The following NBAS variants were observed in gnomAD, a reference collection of about 807,000 sequenced individuals.
The protein encoded by NBAS is NBAS subunit of NRZ tethering complex.
A neutral mutation model predicts 302.5 loss-of-function variants in NBAS; 219 were observed. The ratio of observed to expected loss-of-function variants is 0.72; its 90% CI spans 0.65 to 0.81. NBAS has a LOEUF of 0.81. Ranked by LOEUF, NBAS falls within the 30% of genes least tolerant of loss-of-function variation. The pLI is 0.00. For missense variants in NBAS, 2,932 were observed against 2,841.6 expected (o/e 1.03, Z -0.72); for synonymous variants, 1,118 against 1,021.6 (o/e 1.09, Z -1.80).
intron 44 of NBAS, among the ~76,000 whole-genome samples, chr2:15,243,234 T>C (rs567077126): frequency 6.6e-6 from 1 of 152,286 alleles, no homozygotes; most frequent in South Asian, 2.1e-4. Context: ...GTAGTTAGGA[T>C]GAGCTGTGTT....
At chr2:15,396,385 G>GGA (rs1553304351) in intron 27 of NBAS, 28 bp downstream of exon 27, 56 of 1,302,818 alleles carry the variant, frequency 4.3e-5, no homozygotes, top group Middle Eastern at 3.9e-4. Context: ...TAAGCATGGA[G>GGA]AAAAAAAAAA....
chr2:15,515,180 T>G (rs1057444783), intron 9 of NBAS, among the ~76,000 whole-genome samples: 1 of 151,918 alleles, frequency 6.6e-6, no homozygotes, highest in African/African-American at 2.4e-5. Flanking sequence ...TGCAGGGCAC[T>G]GAGTGTACAA....
chr2:15,403,933 G>A (rs1360527112), intron 25 of NBAS, among the ~76,000 whole-genome samples: 1 of 135,394 alleles, frequency 7.4e-6, no homozygotes, highest in Non-Finnish European at 1.5e-5. Flanking sequence ...CAGATACAAG[G>A]TCTCACTATG....
Position 15,275,629 on chromosome 2 carries a change from G to A in NBAS, c.5579C>T (p.Pro1860Leu). 1 of 1,614,176 alleles carries A rather than the reference G, an allele frequency of 6.2e-7. No homozygotes were observed. Among genetic ancestry groups the A allele is most frequent in the Admixed American group, 1.7e-5 (1 of 60,026 alleles). The change falls in exon 44 of 52, where the codon CCT (proline) becomes CTT (leucine). Residue 1860 changes from proline to leucine, a missense_variant. By Grantham distance (98) the Pro-to-Leu change is moderately conservative (BLOSUM62 -3). Transcript: ENST00000281513. ...WLQKLFWTGDPHLIKQVPGSS... is the reference protein window; with the variant it reads ...WLQKLFWTGDLHLIKQVPGSS... ...GCCTGGGACTTGTTTAATGAGATGAGGGTCTCCAGTCCAGAACAACTTCTG... is the reference window on the plus strand; with the variant it reads ...GCCTGGGACTTGTTTAATGAGATGAAGGTCTCCAGTCCAGAACAACTTCTG...
At chr2:15,190,185 C>A in intron 49 of NBAS, 79 bp downstream of exon 49, 1 of 1,510,320 alleles carries the variant, frequency 6.6e-7, no homozygotes, top group Non-Finnish European at 9.2e-7. Flanking sequence ...TTCATTGGCT[C>A]TTTGGAAGGT....
chr2:15,090,933 G>A, the NBAS span, among the ~76,000 whole-genome samples: 1 of 152,158 alleles, frequency 6.6e-6, no homozygotes, highest in Non-Finnish European at 1.5e-5. Flanking sequence ...TAAGTCCTGA[G>A]AGGTCCTGAA....
chr2:15,031,855 G>A, the NBAS span, among the ~76,000 whole-genome samples: 24 of 152,352 alleles, frequency 1.6e-4, no homozygotes, highest in Admixed American at 2.6e-4. Flanking sequence ...AGAACTGGCT[G>A]GAGATTATCC....
chr2:15,170,056 T>C (rs1031842218), intron 51 of NBAS, among the ~76,000 whole-genome samples: 41 of 152,210 alleles, frequency 2.7e-4, no homozygotes, highest in African/African-American at 9.7e-4. Context: ...CTTTCTTTGT[T>C]GCCCTGAATA....
intron 38 of NBAS, 83 bp from the exon 39 acceptor site, chr2:15,309,330 AAG>A (rs1382830664): frequency 8.4e-7 from 1 of 1,195,262 alleles, no homozygotes; most frequent in African/African-American, 1.5e-5. Context: ...TCAGCCCCAT[AAG>A]ATTTCAACAA....
chr2:15,366,736 A>C (rs770048458), intron 31 of NBAS, 43 bp from the exon 32 acceptor site: 1 of 1,578,420 alleles, frequency 6.3e-7, no homozygotes, highest in Non-Finnish European at 8.7e-7. Context: ...CAGGGACATC[A>C]CAAAAGGGTG....
chr2:15,408,381 C>T (rs1322460373), intron 25 of NBAS, among the ~76,000 whole-genome samples: 1 of 152,160 alleles, frequency 6.6e-6, no homozygotes, highest in African/African-American at 2.4e-5. Context: ...ACTTCCCATA[C>T]TTTTTCATTA....
chr2:15,196,342 A>G, intron 48 of NBAS, among the ~76,000 whole-genome samples: 1 of 152,222 alleles, frequency 6.6e-6, no homozygotes, highest in East Asian at 1.9e-4. Flanking sequence ...AAAATTCTGA[A>G]TAAAACCAGC....
chr2:14,885,784 C>T, the NBAS span, among the ~76,000 whole-genome samples: 1 of 152,032 alleles, frequency 6.6e-6, no homozygotes, highest in Non-Finnish European at 1.5e-5. Context: ...CCAGCAAGAA[C>T]GTATATCAGG....
intron 9 of NBAS, among the ~76,000 whole-genome samples, chr2:15,532,835 A>G (rs1452140432): frequency 6.6e-6 from 1 of 152,142 alleles, no homozygotes; most frequent in Non-Finnish European, 1.5e-5. Context: ...AAATATAAGA[A>G]AAAATTTTTA....
the NBAS span, among the ~76,000 whole-genome samples, chr2:15,094,313 C>A: frequency 6.6e-6 from 1 of 152,148 alleles, no homozygotes; most frequent in Non-Finnish European, 1.5e-5. Flanking sequence ...TCATAATCTT[C>A]TTTTTATGAC....
At chr2:15,504,715 A>G (rs1661758126) in intron 10 of NBAS, among the ~76,000 whole-genome samples, 1 of 152,204 alleles carries the variant, frequency 6.6e-6, no homozygotes, top group Non-Finnish European at 1.5e-5. Context: ...AGTGGAAAAT[A>G]ACATTGTTGA....
the NBAS span, among the ~76,000 whole-genome samples, chr2:14,894,923 T>C: frequency 6.6e-6 from 1 of 151,898 alleles, no homozygotes; most frequent in Admixed American, 6.6e-5. Flanking sequence ...TTGGGCGTGG[T>C]GAAGCGCCTA....
chr2:15,218,317 C>G (rs1666746022), intron 48 of NBAS, among the ~76,000 whole-genome samples: 1 of 147,936 alleles, frequency 6.8e-6, no homozygotes, highest in African/African-American at 2.6e-5. Flanking sequence ...TGTACATATT[C>G]AAGTACTAAA....
At chr2:15,118,041 G>T in the NBAS span, among the ~76,000 whole-genome samples, 1 of 152,182 alleles carries the variant, frequency 6.6e-6, no homozygotes, top group African/African-American at 2.4e-5. Context: ...TCAGGAATGG[G>T]CTTTATTAAC....
Sources: allele counts gnomAD v4.1 joint callset (sites outside exome capture counted in the v4.1 genomes callset), GRCh38; gene constraint gnomAD v4.1.1; transcripts MANE v1.5; gene names NCBI Gene and HGNC (gene_info 2026-07-23, HGNC 2026-07-21).